PHF24: variants seen among roughly 807,000 people sequenced by gnomAD.
PHF24 encodes PHD finger protein 24, also known as Galpha inhibitory interacting protein.
A neutral mutation model predicts 42.6 loss-of-function variants in PHF24; 25 were observed. The observed-to-expected ratio is 0.59, with a 90% CI of 0.43 to 0.82. PHF24 has a LOEUF of 0.82. PHF24 is among the 40% of genes least tolerant of loss of function. PHF24 has a pLI of 0.00. For missense variants in PHF24, 470 were observed against 538.1 expected (o/e 0.87, Z 1.25); for synonymous variants, 185 against 204.8 (o/e 0.90, Z 0.83).
the PHF24 span, among the ~76,000 whole-genome samples, chr9:34,850,957 A>G: frequency 6.6e-6 from 1 of 152,054 alleles, no homozygotes; most frequent in Non-Finnish European, 1.5e-5. Flanking sequence ...GTTCCTCTGG[A>G]AGTTTTGTCT....
At chr9:34,870,800 T>G in the PHF24 span, among the ~76,000 whole-genome samples, 1 of 152,298 alleles carries the variant, frequency 6.6e-6, no homozygotes, top group East Asian at 1.9e-4. Flanking sequence ...CTCGTTTCTT[T>G]TTAATGCTGA....
chr9:34,689,492 CTT>C, the PHF24 span: 2,361 of 228,084 alleles, frequency 0.01, no homozygotes, highest in Middle Eastern at 0.018. This position sits in a 1 kb window ranked among gnomAD's most constrained non-coding sequence, Gnocchi z 4.1. Flanking sequence ...TGCCAGGTGC[CTT>C]TTTTTTTTTT....
the PHF24 span, chr9:34,709,476 A>G: frequency 2.5e-6 from 4 of 1,613,640 alleles, no homozygotes; most frequent in South Asian, 2.2e-5. Flanking sequence ...GCTCCCCTTT[A>G]CCCACATCCC....
the PHF24 span, among the ~76,000 whole-genome samples, chr9:34,896,392 TTC>T: frequency 2.6e-5 from 4 of 152,186 alleles, no homozygotes; most frequent in Non-Finnish European, 5.9e-5. Flanking sequence ...AAAGAAGGAC[TTC>T]TCCCAATCTG....
At chr9:34,873,055 G>A in the PHF24 span, among the ~76,000 whole-genome samples, 125 of 149,262 alleles carry the variant, frequency 8.4e-4, no homozygotes, top group African/African-American at 2.7e-3. Flanking sequence ...GGGGTTGTTT[G>A]TTTTTTTCTT....
chr9:34,900,624 T>G, the PHF24 span, among the ~76,000 whole-genome samples: 1 of 152,282 alleles, frequency 6.6e-6, no homozygotes, highest in East Asian at 1.9e-4. Flanking sequence ...GTGAAAATTT[T>G]AATGTCTATA....
chr9:34,921,716 G>A, the PHF24 span, among the ~76,000 whole-genome samples: 7 of 152,158 alleles, frequency 4.6e-5, no homozygotes, highest in Non-Finnish European at 7.3e-5. Context: ...GGTTTAACAT[G>A]TGGTATCTGT....
the PHF24 span, chr9:34,922,385 A>G: frequency 5.6e-6 from 8 of 1,438,706 alleles, no homozygotes; most frequent in African/African-American, 5.6e-5. Context: ...TCAGAACGTC[A>G]TAATAGAACA....
At chr9:34,915,017 TTTTC>T in the PHF24 span, among the ~76,000 whole-genome samples, 1 of 139,896 alleles carries the variant, frequency 7.1e-6, no homozygotes, top group Non-Finnish European at 1.5e-5. Flanking sequence ...CACATTTCTT[TTTTC>T]TTTTCTTTTT....
chr9:34,835,620 C>T, the PHF24 span: 7 of 1,551,572 alleles, frequency 4.5e-6, no homozygotes, highest in Non-Finnish European at 8.7e-7. Flanking sequence ...GAGCCCTTGG[C>T]TTGTCAAGCC....
chr9:34,685,337 C>T, the PHF24 span, among the ~76,000 whole-genome samples: 1 of 152,194 alleles, frequency 6.6e-6, no homozygotes, highest in Non-Finnish European at 1.5e-5. Context: ...CTCTACTCCT[C>T]TGTTGTTGGG....
upstream of PHF24, among the ~76,000 whole-genome samples, chr9:34,954,147 AAAAC>A (rs527510942): frequency 5.9e-5 from 9 of 152,282 alleles, no homozygotes; most frequent in East Asian, 1.5e-3. Context: ...CTTTTCTCAA[AAAAC>A]AAACAAACAC....
the PHF24 span, among the ~76,000 whole-genome samples, chr9:34,875,563 G>T: frequency 3.3e-5 from 5 of 151,942 alleles, no homozygotes; most frequent in Non-Finnish European, 7.4e-5. Flanking sequence ...TATACGGCAG[G>T]ATCATTTCAT....
the PHF24 span, among the ~76,000 whole-genome samples, chr9:34,948,090 C>T: frequency 1.5e-5 from 2 of 137,674 alleles, no homozygotes; most frequent in East Asian, 4.2e-4. Flanking sequence ...GCCTGGGTGA[C>T]AAGAGCGAGA....
chr9:34,936,799 C>G, the PHF24 span, among the ~76,000 whole-genome samples: 1 of 151,606 alleles, frequency 6.6e-6, no homozygotes, highest in South Asian at 2.1e-4. Context: ...TGCCCAGCCG[C>G]CCCGTCTGAG....
At chr9:34,947,153 A>T in the PHF24 span, among the ~76,000 whole-genome samples, 1 of 152,242 alleles carries the variant, frequency 6.6e-6, no homozygotes, top group Non-Finnish European at 1.5e-5. Context: ...CCATCCTTCT[A>T]GCCACAGTGG....
chr9:34,850,956 G>C, the PHF24 span, among the ~76,000 whole-genome samples: 1 of 152,182 alleles, frequency 6.6e-6, no homozygotes, highest in African/African-American at 2.4e-5. Flanking sequence ...CGTTCCTCTG[G>C]AAGTTTTGTC....
the PHF24 span, among the ~76,000 whole-genome samples, chr9:34,799,445 A>G: frequency 6.6e-5 from 10 of 152,330 alleles, no homozygotes; most frequent in East Asian, 1.9e-3. Flanking sequence ...CAAGAAGTTC[A>G]TGTATTTGTT....
chr9:34,694,178 TTTTTTTTTTG>T, the PHF24 span, among the ~76,000 whole-genome samples: 3 of 145,076 alleles, frequency 2.1e-5, no homozygotes, highest in Non-Finnish European at 3.0e-5. Context: ...TTTTTTTTTT[TTTTTTTTTTG>T]ATACAGAGTC....
Sources: gnomAD v4.1 joint callset for allele counts (sites outside exome capture counted in the v4.1 genomes callset) on GRCh38, gnomAD v4.1.1 for gene constraint, Gnocchi (gnomAD v3.1) non-coding constraint, MANE v1.5 for transcripts, NCBI Gene and HGNC (gene_info 2026-07-23, HGNC 2026-07-21) for gene names.